The following NLGN1 variants were observed in gnomAD, a reference collection of about 807,000 sequenced individuals.
NLGN1 encodes the protein neuroligin 1, also known as neuroligin-1.
A neutral mutation model predicts 65.5 loss-of-function variants in NLGN1; 12 were observed. The observed-to-expected ratio is 0.18, with a 90% CI of 0.12 to 0.30. The LOEUF (loss-of-function observed/expected upper bound fraction) is 0.30. NLGN1 is among the 10% of genes least tolerant of loss of function. NLGN1 has a pLI of 1.00. For synonymous variants in NLGN1, 350 were observed against 359.5 expected (o/e 0.97, Z 0.30); for missense variants, 750 against 1,007.1 (o/e 0.74, Z 3.46).
chr3:174,030,371 G>T (rs533275734), intron 4 of NLGN1, among the ~76,000 whole-genome samples: 1 of 151,928 alleles, frequency 6.6e-6, no homozygotes, highest in South Asian at 2.1e-4. Flanking sequence ...TGATCCTCCC[G>T]CCTCGGCCTC....
chr3:174,094,558 C>T (rs764562872), intron 4 of NLGN1, among the ~76,000 whole-genome samples: 32 of 151,696 alleles, frequency 2.1e-4, no homozygotes, highest in Non-Finnish European at 1.6e-4. Flanking sequence ...ATCATTCAGA[C>T]GTTATCATTA....
chr3:173,595,996 A>G (rs943710101), intron 2 of NLGN1, among the ~76,000 whole-genome samples: 17 of 152,332 alleles, frequency 1.1e-4, no homozygotes, highest in Admixed American at 5.2e-4. Context: ...GAGCCAAACC[A>G]TATCATGTGT....
At chr3:173,726,074 TAATC>T (rs937973345) in intron 3 of NLGN1, among the ~76,000 whole-genome samples, 1 of 152,018 alleles carries the variant, frequency 6.6e-6, no homozygotes, top group Non-Finnish European at 1.5e-5. Flanking sequence ...GAACATAACT[TAATC>T]AAGGGAGTAA....
chr3:173,433,244 G>A (rs1433361024), intron 1 of NLGN1, among the ~76,000 whole-genome samples: 2 of 152,126 alleles, frequency 1.3e-5, no homozygotes, highest in African/African-American at 4.8e-5. Flanking sequence ...TTATTGGGCT[G>A]CCCTCCTGCA....
intron 3 of NLGN1, chr3:173,800,381 TGAC>T (rs1396339882): frequency 2.1e-6 from 2 of 948,110 alleles, no homozygotes; most frequent in Non-Finnish European, 2.8e-6. Context: ...TCTATTTGCA[TGAC>T]AAGGGCCTCA....
chr3:174,107,011 CACACACAGAG>C (rs1285316664), intron 4 of NLGN1, among the ~76,000 whole-genome samples: 41 of 115,106 alleles, frequency 3.6e-4, no homozygotes, highest in African/African-American at 6.6e-4. Flanking sequence ...CACACACACA[CACACACAGAG>C]AGAGAGAGAG....
At chr3:173,852,882 A>G (rs1410885205) in intron 4 of NLGN1, among the ~76,000 whole-genome samples, 1 of 152,226 alleles carries the variant, frequency 6.6e-6, no homozygotes, top group East Asian at 1.9e-4. Flanking sequence ...TTGCTTTGAA[A>G]GAAGTCATGC....
At chr3:174,109,197 G>A (rs964128273) in intron 4 of NLGN1, among the ~76,000 whole-genome samples, 24 of 151,842 alleles carry the variant, frequency 1.6e-4, no homozygotes, top group African/African-American at 5.8e-4. Flanking sequence ...TAAAACAAGT[G>A]CCTTCTAATT....
At chr3:173,716,519 C>T (rs575179078) in intron 3 of NLGN1, among the ~76,000 whole-genome samples, 47 of 152,214 alleles carry the variant, frequency 3.1e-4, no homozygotes, top group African/African-American at 9.9e-4. Context: ...AAAAGACCTT[C>T]GGATTGCACC....
At chr3:173,632,849 G>GTTTTTTTTTTTTTTTTTT (rs5854526) in intron 3 of NLGN1, among the ~76,000 whole-genome samples, 1 of 116,402 alleles carries the variant, frequency 8.6e-6, no homozygotes. Context: ...TTTTTTTTTT[G>GTTTTTTTTTTTTTTTTTT]TTTTTTTTTT....
At chr3:173,797,185 G>C (rs1388812920) in intron 3 of NLGN1, among the ~76,000 whole-genome samples, 1 of 152,134 alleles carries the variant, frequency 6.6e-6, no homozygotes, top group Non-Finnish European at 1.5e-5. Context: ...GAGTTTCTCA[G>C]TTTGCAGCCC....
At chr3:174,220,038 G>A (rs1156406756) in intron 4 of NLGN1, among the ~76,000 whole-genome samples, 1 of 152,046 alleles carries the variant, frequency 6.6e-6, no homozygotes, top group African/African-American at 2.4e-5. Flanking sequence ...GGCAATGTAA[G>A]GCTCTGGCAA....
At chr3:173,891,067 T>C (rs1205492724) in intron 4 of NLGN1, among the ~76,000 whole-genome samples, 1 of 152,154 alleles carries the variant, frequency 6.6e-6, no homozygotes, top group African/African-American at 2.4e-5. Flanking sequence ...TTGCCCTTAT[T>C]CAAGCAAGGC....
intron 4 of NLGN1, among the ~76,000 whole-genome samples, chr3:173,945,043 A>G (rs1372355148): frequency 1.3e-5 from 2 of 152,088 alleles, no homozygotes; most frequent in African/African-American, 4.8e-5. Context: ...CTGGACTTAA[A>G]TGGAAATTTG....
At chr3:174,081,636 G>A (rs1383651021) in intron 4 of NLGN1, among the ~76,000 whole-genome samples, 2 of 119,740 alleles carry the variant, frequency 1.7e-5, no homozygotes, top group African/African-American at 6.5e-5. Flanking sequence ...TTTCGCTCTT[G>A]TTGCCCAATG....
At chr3:174,055,262 A>G (rs1735812587) in intron 4 of NLGN1, among the ~76,000 whole-genome samples, 1 of 151,712 alleles carries the variant, frequency 6.6e-6, no homozygotes, top group South Asian at 2.1e-4. Flanking sequence ...AAAGACATGT[A>G]AATGACTCTG....
At chr3:174,124,683 A>G (rs1318999641) in intron 4 of NLGN1, among the ~76,000 whole-genome samples, 1 of 148,638 alleles carries the variant, frequency 6.7e-6, no homozygotes, top group African/African-American at 2.4e-5. Context: ...ATATACATAT[A>G]TAAGTATACA....
chr3:173,412,610 A>C lies in NLGN1; in HGVS notation c.-390+14123A>C, dbSNP rs548718745. On this transcript the variant is annotated intron_variant, in intron 1 of 6. Transcript: ENST00000457714. ...ATTTCAGGAAAATATATTGATTCCA[A>C]CTTCTTGGAGGGAAGGTTTCCAGCC... 3.3e-5 allele frequency among the ~76,000 whole-genome samples: 5 copies of C among 152,098 alleles called. No homozygotes were observed. The South Asian group carries it at 1.0e-3, about 32-fold the overall frequency.
chr3:173,416,202 A>C (rs899395831), intron 1 of NLGN1, among the ~76,000 whole-genome samples: 3 of 152,236 alleles, frequency 2.0e-5, no homozygotes, highest in African/African-American at 7.2e-5. Context: ...GTGAGCATAG[A>C]TGCTCAATAT....
Sources: gnomAD v4.1 joint callset for allele counts (sites outside exome capture counted in the v4.1 genomes callset) on GRCh38, gnomAD v4.1.1 for gene constraint, MANE v1.5 for transcripts, NCBI Gene and HGNC (gene_info 2026-07-23, HGNC 2026-07-21) for gene names.